Variants in ANK2 observed in about 807,000 individuals in gnomAD.
ANK2 encodes ankyrin 2, also known as ankyrin-2.
ANK2 carries 83 observed loss-of-function variants against 360.5 expected under a neutral mutation model. That is an observed-to-expected ratio of 0.23 (90% CI 0.19 to 0.28). The LOEUF is 0.28. ANK2 is among the 10% of genes least tolerant of loss of function. The probability of loss-of-function intolerance (pLI) is 1.00; values close to 1 mark genes in which losing one functional copy is unlikely to be tolerated. For synonymous variants in ANK2, 1,740 were observed against 1,759.5 expected (o/e 0.99, Z 0.28); for missense variants, 4,201 against 4,795.7 (o/e 0.88, Z 3.66).
intron 1 of ANK2, among the ~76,000 whole-genome samples, chr4:112,850,421 G>T (rs1470842250): frequency 1.4e-5 from 2 of 139,412 alleles, no homozygotes; most frequent in African/African-American, 5.4e-5. Flanking sequence ...GACAAGTACA[G>T]GGTTTAAGAG....
chr4:113,337,120 C>T (rs2093642761), intron 31 of ANK2, among the ~76,000 whole-genome samples: 1 of 152,126 alleles, frequency 6.6e-6, no homozygotes, highest in Non-Finnish European at 1.5e-5. Flanking sequence ...TGTTGGGATT[C>T]AAAACCACAC....
the ANK2 span, among the ~76,000 whole-genome samples, chr4:112,730,846 TA>T: frequency 1.6e-3 from 218 of 134,800 alleles, 1 homozygote; most frequent in Admixed American, 1.7e-3. Context: ...ACACTGTCTC[TA>T]AAAAAAAAAA....
At chr4:113,094,544 A>G (rs867896966) in intron 1 of ANK2, among the ~76,000 whole-genome samples, 1 of 151,406 alleles carries the variant, frequency 6.6e-6, no homozygotes, top group Non-Finnish European at 1.5e-5. Context: ...GTGTGCATGC[A>G]TGTGTGTGCG....
At chr4:112,942,068 C>T (rs1561204810) in intron 2 of ANK2, among the ~76,000 whole-genome samples, 2 of 151,552 alleles carry the variant, frequency 1.3e-5, no homozygotes, top group Non-Finnish European at 3.0e-5. Flanking sequence ...CCTTATTTTC[C>T]TAATTTTCTA....
chr4:113,363,301 A>C (rs892546309), intron 39 of ANK2, 37 bp from the exon 40 acceptor site: 1 of 1,606,100 alleles, frequency 6.2e-7, no homozygotes, highest in African/African-American at 1.3e-5. Context: ...GAAACCTTGA[A>C]GTTAATGTGT....
chr4:112,788,915 AATATT>A, the ANK2 span: 1 of 645,764 alleles, frequency 1.5e-6, no homozygotes, highest in Non-Finnish European at 2.7e-6. Flanking sequence ...TTTAATTATT[AATATT>A]ATATACTTCA....
intron 1 of ANK2, among the ~76,000 whole-genome samples, chr4:113,129,809 G>A (rs1321724627): frequency 6.6e-6 from 1 of 151,974 alleles, no homozygotes; most frequent in Non-Finnish European, 1.5e-5. Context: ...ATTCCTCTTT[G>A]AGTAAAATAA....
chr4:112,909,425 G>T (rs991844635), intron 2 of ANK2, among the ~76,000 whole-genome samples: 3 of 152,100 alleles, frequency 2.0e-5, no homozygotes, highest in Admixed American at 2.0e-4. Flanking sequence ...AATCAAATGG[G>T]AGATTTCTAG....
chr4:113,327,127 C>G (rs1187851381), intron 26 of ANK2, among the ~76,000 whole-genome samples: 1 of 152,114 alleles, frequency 6.6e-6, no homozygotes, highest in East Asian at 1.9e-4. Flanking sequence ...CACAGAGATA[C>G]TTATAGGTAA....
intron 2 of ANK2, among the ~76,000 whole-genome samples, chr4:113,010,347 G>T (rs1230291162): frequency 6.6e-6 from 1 of 152,060 alleles, no homozygotes; most frequent in Non-Finnish European, 1.5e-5. Flanking sequence ...GTTACCTCTA[G>T]TCCTATCAAA....
chr4:113,120,601 T>G (rs1440131153), intron 1 of ANK2, among the ~76,000 whole-genome samples: 1 of 152,190 alleles, frequency 6.6e-6, no homozygotes, highest in Admixed American at 6.5e-5. Context: ...TTTATTTATT[T>G]TAAAACTTTA....
chr4:113,141,634 C>G (rs2096640537), intron 1 of ANK2, among the ~76,000 whole-genome samples: 1 of 152,196 alleles, frequency 6.6e-6, no homozygotes, highest in Non-Finnish European at 1.5e-5. Context: ...CTCAAAACTT[C>G]ACTTCAGGAG....
intron 1 of ANK2, among the ~76,000 whole-genome samples, chr4:113,116,421 T>C (rs1267675264): frequency 6.6e-6 from 1 of 152,184 alleles, no homozygotes; most frequent in Non-Finnish European, 1.5e-5. Flanking sequence ...CTCTTTTCTA[T>C]GCTTAATGCA....
intron 39 of ANK2, among the ~76,000 whole-genome samples, 191 bp from the exon 40 acceptor site, chr4:113,363,147 T>C (rs867122062): frequency 6.6e-6 from 1 of 152,200 alleles, no homozygotes; most frequent in Admixed American, 6.6e-5. Flanking sequence ...TACCCAGTTT[T>C]AGGGGAAAAA....
chr4:112,812,122 A>C, the ANK2 span, among the ~76,000 whole-genome samples: 2 of 151,028 alleles, frequency 1.3e-5, no homozygotes, highest in African/African-American at 4.9e-5. Flanking sequence ...GCCAAAACAG[A>C]GTTCCATTTG....
At chr4:112,737,448 G>A in the ANK2 span, among the ~76,000 whole-genome samples, 3 of 152,168 alleles carry the variant, frequency 2.0e-5, no homozygotes, top group Admixed American at 2.0e-4. Context: ...ATCAGTTGCT[G>A]CATAACAACC....
intron 31 of ANK2, among the ~76,000 whole-genome samples, chr4:113,338,125 A>G (rs1368216038): frequency 1.3e-5 from 2 of 152,182 alleles, no homozygotes; most frequent in African/African-American, 4.8e-5. Context: ...TTTCTGTGTC[A>G]TGTAGTTATG....
intron 1 of ANK2, among the ~76,000 whole-genome samples, chr4:113,169,955 A>G (rs749840968): frequency 2.0e-5 from 3 of 152,170 alleles, no homozygotes; most frequent in Non-Finnish European, 4.4e-5. Flanking sequence ...AAATAACCTC[A>G]GAGTTCTGTA....
chr4:113,136,414 C>T (rs544795790), intron 1 of ANK2, among the ~76,000 whole-genome samples: 31 of 152,154 alleles, frequency 2.0e-4, no homozygotes, highest in South Asian at 4.2e-4. Context: ...AACTGGAATA[C>T]GCTAGGAATG....
Sources: gnomAD v4.1 joint callset for allele counts (sites outside exome capture counted in the v4.1 genomes callset) on GRCh38, gnomAD v4.1.1 for gene constraint, MANE v1.5 for transcripts, NCBI Gene and HGNC (gene_info 2026-07-23, HGNC 2026-07-21) for gene names.